TAF1B: variants seen among roughly 807,000 people sequenced by gnomAD.
TAF1B encodes TATA-box binding protein associated factor, RNA polymerase I subunit B, also known as TATA box-binding protein-associated factor RNA polymerase I subunit B.
Under a neutral mutation model 83.9 loss-of-function variants are expected in TAF1B, and 61 were observed. That is an observed-to-expected ratio of 0.73 (90% confidence interval 0.59 to 0.90). The LOEUF (loss-of-function observed/expected upper bound fraction) is 0.90. TAF1B is among the 40% of genes least tolerant of loss of function. The pLI, the probability that TAF1B is intolerant of heterozygous loss-of-function variation, is 0.00. For missense variants in TAF1B, 625 were observed against 677.0 expected (o/e 0.92, Z 0.85); for synonymous variants, 221 against 224.6 (o/e 0.98, Z 0.14).
At chr2:9,866,143 A>G (rs1663968250) in intron 5 of TAF1B, among the ~76,000 whole-genome samples, 1 of 150,380 alleles carries the variant, frequency 6.6e-6, no homozygotes, top group African/African-American at 2.4e-5. Context: ...ATCAGAGTGA[A>G]CAGGCAACCT....
intron 7 of TAF1B, among the ~76,000 whole-genome samples, chr2:9,881,987 C>G (rs957373479): frequency 1.3e-5 from 2 of 152,034 alleles, no homozygotes; most frequent in Non-Finnish European, 2.9e-5. Flanking sequence ...TCAAGGTAGA[C>G]CTCCTTGAAG....
chr2:9,886,468 G>T (rs965467449), intron 8 of TAF1B, among the ~76,000 whole-genome samples: 6 of 152,272 alleles, frequency 3.9e-5, no homozygotes, highest in Middle Eastern at 3.4e-3. Flanking sequence ...TTTTGCAAAA[G>T]ATATTGCTTC....
chr2:9,915,388 C>T (rs1440527400), intron 12 of TAF1B, among the ~76,000 whole-genome samples: 2 of 152,040 alleles, frequency 1.3e-5, no homozygotes, highest in Non-Finnish European at 2.9e-5. Context: ...AAATTAAATG[C>T]AAATCACATA....
At chr2:9,895,974 C>A (rs933029991) in intron 8 of TAF1B, among the ~76,000 whole-genome samples, 1 of 152,098 alleles carries the variant, frequency 6.6e-6, no homozygotes, top group Admixed American at 6.5e-5. Flanking sequence ...AGTAAACTCG[C>A]TGTAATATTT....
intron 14 of TAF1B, among the ~76,000 whole-genome samples, chr2:9,933,318 A>C (rs545262250): frequency 4.1e-4 from 63 of 152,332 alleles, no homozygotes; most frequent in Non-Finnish European, 7.6e-4. Flanking sequence ...AAAATAATGG[A>C]AATTGCTTGG....
intron 8 of TAF1B, among the ~76,000 whole-genome samples, chr2:9,885,752 C>G (rs981388864): frequency 1.4e-4 from 20 of 139,072 alleles, no homozygotes; most frequent in African/African-American, 3.5e-4. Flanking sequence ...CGCCCCCCCC[C>G]ACTTTGTCCT....
In TAF1B at chr2:9,897,828, G is replaced by A. The variant is rs569113966; in HGVS notation, c.808-7031G>A. Among the ~76,000 whole-genome samples, 255 of 152,224 alleles carry A rather than the reference G, an allele frequency of 1.7e-3. 2 individuals carry two copies. The highest frequency in any genetic ancestry group is 3.1e-3 in the South Asian group (15 of 4,822). ...GGGATTTTTTGTACAATCTTTATTA[G>A]AATAATAACCTGACAGGTTTCAAAT... On this transcript the variant is annotated intron_variant, in intron 8 of 14. Coordinates refer to ENST00000263663, the MANE Select transcript of TAF1B (RefSeq NM_005680.3).
chr2:9,908,493 G>A (rs1364934723), intron 9 of TAF1B, among the ~76,000 whole-genome samples: 1 of 152,182 alleles, frequency 6.6e-6, no homozygotes, highest in Admixed American at 6.5e-5. Flanking sequence ...AAATTTTAGT[G>A]AAGGTATTTT....
In TAF1B at chr2:9,875,912, C is replaced by T. The variant is rs138664395; in HGVS notation, c.601C>T (p.Arg201Ter). 38 of 1,612,338 alleles carry T rather than the reference C, an allele frequency of 2.4e-5. No individual in the cohort carries two copies. Among genetic ancestry groups the T allele is most frequent in the Admixed American group, 1.0e-4 (6 of 59,992 alleles). Reference protein sequence around the residue: ...GSLDGVEYSQRKEKGIVKMTM... With the variant: ...GSLDGVEYSQ ...TCTGGATGGAGTTGAATACTCACAA[C>T]GAAAGGAGAAGGGAATCGTGAAGAT... The change falls in exon 7 of 15, where the codon CGA (arginine) becomes TGA (stop). Residue 201 changes from arginine to a stop codon, truncating the protein, a stop_gained. Transcript: ENST00000263663. LOFTEE classifies it high-confidence loss of function.
chr2:9,870,946 T>G, intron 6 of TAF1B, among the ~76,000 whole-genome samples: 1 of 152,282 alleles, frequency 6.6e-6, no homozygotes, highest in South Asian at 2.1e-4. Context: ...CCAGTTCTTA[T>G]AATCTCTTAA....
At chr2:9,907,459 G>T (rs1558261335) in intron 9 of TAF1B, among the ~76,000 whole-genome samples, 1 of 152,016 alleles carries the variant, frequency 6.6e-6, no homozygotes, top group Non-Finnish European at 1.5e-5. Context: ...AAAGCTAAAA[G>T]CGGTTTTAAA....
chr2:9,917,781 T>C (rs977818354), intron 12 of TAF1B, among the ~76,000 whole-genome samples: 1 of 152,086 alleles, frequency 6.6e-6, no homozygotes. Context: ...CACTAGAAAA[T>C]GGTGGAGCCG....
At chr2:9,848,142 T>C (rs892316489) in intron 2 of TAF1B, among the ~76,000 whole-genome samples, 2 of 152,196 alleles carry the variant, frequency 1.3e-5, no homozygotes, top group African/African-American at 2.4e-5. Context: ...GGCTTTTGTA[T>C]TTATTTTGAC....
At chr2:9,911,224 A>G (rs1432508100) in intron 10 of TAF1B, among the ~76,000 whole-genome samples, 3 of 152,182 alleles carry the variant, frequency 2.0e-5, no homozygotes, top group Non-Finnish European at 4.4e-5. Context: ...CTAGTTTTAA[A>G]GTATCTTCAT....
In TAF1B at chr2:9,893,215, G is replaced by T. The variant is rs536336587; in HGVS notation, c.807+10410G>T. On this transcript the variant is annotated intron_variant, in intron 8 of 14. Coordinates refer to ENST00000263663, the MANE Select transcript of TAF1B (RefSeq NM_005680.3). ...TTGTTAGCATTTTATGCCATTGTTT[G>T]ATCATTTGTGCCATTTTTCCTATCT... 2.6e-5 allele frequency among the ~76,000 whole-genome samples: 4 copies of T among 152,264 alleles called. No individual in the cohort carries two copies. The South Asian group carries it at 6.2e-4, about 24-fold the overall frequency.
At chr2:9,890,972 A>T (rs1292949713) in intron 8 of TAF1B, among the ~76,000 whole-genome samples, 1 of 152,086 alleles carries the variant, frequency 6.6e-6, no homozygotes, top group African/African-American at 2.4e-5. Context: ...GGGTTTCTCC[A>T]TGTTGGTCAG....
chr2:9,860,522 G>T (rs1040073008), intron 5 of TAF1B, among the ~76,000 whole-genome samples: 1 of 152,152 alleles, frequency 6.6e-6, no homozygotes, highest in Non-Finnish European at 1.5e-5. Flanking sequence ...ATAGTAGCTA[G>T]TATTTAAAAC....
In TAF1B at chr2:9,845,176, A is replaced by G. The variant is rs981993927; in HGVS notation, c.19-44A>G. ...GCAAGGTTTAGGTACGATGTATTGA[A>G]TGTGGCTTGATGGGAACACCTTTTC... On this transcript the variant is annotated intron_variant, in intron 1 of 14. Transcript: ENST00000263663. 1.7e-5 allele frequency: 25 copies of G among 1,474,298 alleles called. No individual in the cohort carries two copies. The Admixed American group carries it at 3.2e-4, about 19-fold the overall frequency. 91.3% of individuals were successfully genotyped at this position (1,474,298 alleles called of 1,614,324 possible).
intron 6 of TAF1B, among the ~76,000 whole-genome samples, chr2:9,870,658 A>T (rs1247422270): frequency 6.6e-6 from 1 of 152,216 alleles, no homozygotes; most frequent in East Asian, 1.9e-4. Context: ...TCTTTCACAC[A>T]TTCCTCACTG....
Sources: gnomAD v4.1 joint callset for allele counts (sites outside exome capture counted in the v4.1 genomes callset) on GRCh38, gnomAD v4.1.1 for gene constraint, MANE v1.5 for transcripts, NCBI Gene and HGNC (gene_info 2026-07-23, HGNC 2026-07-21) for gene names.